Variants in SCAF4 observed in about 807,000 individuals in gnomAD.
SCAF4 encodes the protein SR-related CTD associated factor 4, also known as SR-related and CTD-associated factor 4.
SCAF4 carries 25 observed loss-of-function variants against 129.8 expected under a neutral mutation model. The ratio of observed to expected loss-of-function variants is 0.19; its 90% CI spans 0.14 to 0.27. The LOEUF is 0.27. Among genes scored for constraint, SCAF4 ranks in the 10% least tolerant of loss-of-function variants. The pLI, the probability that SCAF4 is intolerant of heterozygous loss-of-function variation, is 1.00. For synonymous variants in SCAF4, 551 were observed against 497.7 expected (o/e 1.11, Z -1.43); for missense variants, 1,246 against 1,457.1 (o/e 0.86, Z 2.36).
chr21:31,679,939 T>C (rs2049958074), intron 19 of SCAF4, among the ~76,000 whole-genome samples: 1 of 152,218 alleles, frequency 6.6e-6, no homozygotes, highest in South Asian at 2.1e-4. Context: ...ATTTCACTAT[T>C]AGAGTCAATA....
chr21:31,731,518 C>T, intron 1 of SCAF4, 145 bp downstream of exon 1: 4 of 948,564 alleles, frequency 4.2e-6, no homozygotes, highest in South Asian at 3.1e-5. Flanking sequence ...GGCCACAGGC[C>T]CCGCTCCGCG....
At chr21:31,723,609 G>GTTGTGTGTGTGTGTGT (rs112184778) in intron 1 of SCAF4, among the ~76,000 whole-genome samples, 1 of 146,038 alleles carries the variant, frequency 6.8e-6, no homozygotes, top group African/African-American at 2.5e-5. Flanking sequence ...TGATTTATAT[G>GTTGTGTGTGTGTGTGT]ATGTGTGTGT....
At position 31,731,864 on chromosome 21, in the gene SCAF4, C is replaced by T. The variant is rs567973639; in HGVS notation, c.-172G>A. ...CGCCCGAAGCGGCGAGGCGGGCGGC[C>T]GAGGCAGAGGCGGAGAGGTGGCGGG... On this transcript the variant is annotated 5_prime_UTR_variant, in exon 1 of 20. Transcript: ENST00000286835. 1 of 647,066 alleles carries T rather than the reference C, an allele frequency of 1.5e-6. No individual in the cohort carries two copies. Among genetic ancestry groups the T allele is most frequent in the South Asian group, 2.7e-5 (1 of 37,332 alleles). 40.1% of individuals were successfully genotyped at this position (647,066 alleles called of 1,614,324 possible).
At chr21:31,674,010 T>A (rs1230314449) in intron 19 of SCAF4, among the ~76,000 whole-genome samples, 1 of 152,164 alleles carries the variant, frequency 6.6e-6, no homozygotes, top group Non-Finnish European at 1.5e-5. Flanking sequence ...TCAAAGCATC[T>A]TATTATAACA....
Position 31,702,367 on chromosome 21 carries a change from G to A in SCAF4, c.334C>T (p.Arg112Cys), listed in dbSNP as rs1220862794. The A allele has an allele frequency of 1.2e-6, 2 of 1,613,576 alleles. No individual in the cohort carries two copies. Among genetic ancestry groups the A allele is most frequent in the Non-Finnish European group, 1.7e-6 (2 of 1,179,704 alleles). ...CPSEDKSKIV[R>C]VLNLWQKNGV... ...TTTTTTTGCCAAAGGTTCAGCACACGAACTATTTTACTCTGTTACGCATGA... is the reference window on the plus strand; with the variant it reads ...TTTTTTTGCCAAAGGTTCAGCACACAAACTATTTTACTCTGTTACGCATGA... The change falls in exon 5 of 20, where the codon CGT becomes TGT. Residue 112 changes from arginine to cysteine, a missense_variant. Transcript: ENST00000286835.
At chr21:31,717,840 TATACACACACAC>T (rs2050958171) in intron 1 of SCAF4, among the ~76,000 whole-genome samples, 1 of 82,670 alleles carries the variant, frequency 1.2e-5, no homozygotes, top group Non-Finnish European at 2.6e-5. Flanking sequence ...TATATATATA[TATACACACACAC>T]ACACACACAC....
intron 1 of SCAF4, among the ~76,000 whole-genome samples, chr21:31,729,387 A>C (rs944458472): frequency 1.6e-4 from 25 of 152,178 alleles, no homozygotes; most frequent in African/African-American, 6.0e-4. Context: ...AAGGATCCCA[A>C]AGGAAGCTGT....
chr21:31,677,389 A>C (rs1376850949), intron 19 of SCAF4, among the ~76,000 whole-genome samples: 1 of 151,838 alleles, frequency 6.6e-6, no homozygotes, highest in Non-Finnish European at 1.5e-5. Context: ...AAACTCCCTC[A>C]CCCTGCATCT....
Position 31,699,316 on chromosome 21 carries a change from A to G in SCAF4, c.777+1679T>C, listed in dbSNP as rs1037714357. On this transcript the variant is annotated intron_variant, in intron 7 of 19. Transcript: ENST00000286835. The stretch of plus-strand genomic sequence containing the variant: ...TAAAAAAAACCTTACTAGAATATAG[A>G]AATCTTTTCTAATACAAATGAGGAG... Among the ~76,000 whole-genome samples the G allele has an allele frequency of 3.9e-5, 6 of 152,326 alleles. No individual in the cohort carries two copies. The South Asian group carries it at 1.0e-3, about 26-fold the overall frequency.
chr21:31,719,164 C>A (rs533388358), intron 1 of SCAF4, among the ~76,000 whole-genome samples: 1 of 152,210 alleles, frequency 6.6e-6, no homozygotes, highest in South Asian at 2.1e-4. Flanking sequence ...GTGGCACATG[C>A]CTGTAATCCC....
rs770675297 is a variant in SCAF4, at chr21:31,676,034, GAC to G, written c.2489-3682_2489-3681del. Among the ~76,000 whole-genome samples the G allele has an allele frequency of 1.2e-3, 177 of 152,296 alleles. 2 individuals are homozygous for G. The highest frequency in any genetic ancestry group is 9.8e-4 in the Admixed American group (15 of 15,302). ...ACCACAGAGTGTACGCAGTCAGGGA[GAC>G]AGATATAAAACATAAAATGTAAAAG... On this transcript the variant is annotated intron_variant, in intron 19 of 19. Coordinates refer to ENST00000286835, the MANE Select transcript of SCAF4 (RefSeq NM_020706.2).
At chr21:31,691,516 C>T (rs1344982926) in intron 14 of SCAF4, among the ~76,000 whole-genome samples, 1 of 152,040 alleles carries the variant, frequency 6.6e-6, no homozygotes, top group East Asian at 1.9e-4. Context: ...TTGAACAGGA[C>T]AAAACATATT....
chr21:31,695,122 A>G (rs953502817), intron 9 of SCAF4, 142 bp from the exon 10 acceptor site: 7 of 675,624 alleles, frequency 1.0e-5, no homozygotes, highest in East Asian at 5.5e-5. Context: ...AACAATTTCC[A>G]TATGTACAAT....
At chr21:31,690,689 A>G in intron 15 of SCAF4, 108 bp downstream of exon 15, 1 of 1,008,382 alleles carries the variant, frequency 9.9e-7, no homozygotes, top group African/African-American at 1.6e-5. Flanking sequence ...GAGGGATCCT[A>G]AAAAATCTCA....
Position 31,694,884 on chromosome 21 carries a change from G to A in SCAF4, c.1165C>T (p.Pro389Ser), listed in dbSNP as rs752595419. 22 of 1,614,020 alleles carry A rather than the reference G, an allele frequency of 1.4e-5. No homozygotes were observed. The highest frequency in any genetic ancestry group is 1.3e-4 in the South Asian group (12 of 91,090). The change falls in exon 10 of 20, where the codon CCA becomes TCA. Residue 389 changes from proline to serine, a missense_variant. Coordinates refer to ENST00000286835, the MANE Select transcript of SCAF4 (RefSeq NM_020706.2). ...MAQPVIPPTP[P>S]VQQPFQASFQ... ...GAAGCTTGGAAAGGCTGCTGCACTG[G>A]TGGAGTTGGAGGAATCACAGGCTGA... is the stretch of plus-strand genomic sequence containing the variant.
chr21:31,687,601 T>A (rs1223677863), intron 16 of SCAF4, among the ~76,000 whole-genome samples: 1 of 152,130 alleles, frequency 6.6e-6, no homozygotes, highest in Non-Finnish European at 1.5e-5. Flanking sequence ...TCAATCCATT[T>A]AAAAATTTCA....
At position 31,671,564 on chromosome 21, in the gene SCAF4, A is replaced by G; in HGVS notation, c.3279T>C (p.Val1093=). Residue 1093 remains valine, a synonymous_variant, in exon 20 of 20, where the codon GTT becomes GTC. Transcript: ENST00000286835. ...VTDRAGGNKT[V]EPPISQVGNV... ...TTCCCACTTGGCTAATGGGAGGTTC[A>G]ACGGTTTTGTTACCACCTGCCCTGT... The G allele has an allele frequency of 6.2e-7, 1 of 1,614,160 alleles. No homozygotes were observed. Among genetic ancestry groups the G allele is most frequent in the Non-Finnish European group, 8.5e-7 (1 of 1,179,996 alleles).
intron 1 of SCAF4, among the ~76,000 whole-genome samples, chr21:31,731,068 G>T (rs1261722467): frequency 6.6e-6 from 1 of 152,316 alleles, no homozygotes; most frequent in African/African-American, 2.4e-5. Context: ...CCCCCTCTCC[G>T]TTTATTAGCC....
chr21:31,710,996 A>G (rs573203318), intron 1 of SCAF4, among the ~76,000 whole-genome samples: 1 of 152,306 alleles, frequency 6.6e-6, no homozygotes, highest in Non-Finnish European at 1.5e-5. Context: ...TTAGCATTAT[A>G]AAGTTTCCAT....
Sources: gnomAD v4.1 joint callset for allele counts (sites outside exome capture counted in the v4.1 genomes callset) on GRCh38, gnomAD v4.1.1 for gene constraint, MANE v1.5 for transcripts, NCBI Gene and HGNC (gene_info 2026-07-23, HGNC 2026-07-21) for gene names.